The following ICA1L variants were observed in gnomAD, a reference collection of about 807,000 sequenced individuals.
ICA1L encodes islet cell autoantigen 1 like.
ICA1L carries 50 observed loss-of-function variants against 61.3 expected under a neutral mutation model. The observed-to-expected ratio is 0.82, with a 90% CI of 0.65 to 1.03. The LOEUF is 1.03. ICA1L is among the 50% of genes least tolerant of loss of function. The pLI is 0.00. For synonymous variants in ICA1L, 161 were observed against 191.3 expected (o/e 0.84, Z 1.31); for missense variants, 508 against 556.7 (o/e 0.91, Z 0.88).
intron 1 of ICA1L, among the ~76,000 whole-genome samples, chr2:202,831,586 T>C (rs1257000584): frequency 6.6e-6 from 1 of 152,208 alleles, no homozygotes; most frequent in East Asian, 1.9e-4. Flanking sequence ...ACTTCCATAT[T>C]GATGTAGCTC....
chr2:202,822,374 C>T (rs998716175), intron 3 of ICA1L, among the ~76,000 whole-genome samples: 3 of 152,130 alleles, frequency 2.0e-5, no homozygotes, highest in Non-Finnish European at 2.9e-5. Context: ...ATGTTGACCA[C>T]GCTGGTCTCA....
In ICA1L at chr2:202,832,565, T is replaced by C. The variant is rs553598086; in HGVS notation, c.-7-3549A>G. ...CAATAAATGAACACACTGAAAATAT[T>C]AGAAAACAAGTAAAACTCAAACTCT... On this transcript the variant is annotated intron_variant, in intron 1 of 12. Coordinates refer to ENST00000358299, the MANE Select transcript of ICA1L (RefSeq NM_001288622.3). Among the ~76,000 whole-genome samples the C allele has an allele frequency of 3.8e-4, 58 of 152,036 alleles. 1 individual carries two copies. In the South Asian group the frequency reaches 0.012, roughly 31 times the overall value.
intron 9 of ICA1L, among the ~76,000 whole-genome samples, 187 bp from the exon 10 acceptor site, chr2:202,797,151 TGTGTGTGTGTG>T (rs1692956637): frequency 6.6e-6 from 1 of 151,982 alleles, no homozygotes; most frequent in Admixed American, 6.6e-5. Context: ...TGTGTGTGTG[TGTGTGTGTGTG>T]TATATGTATA....
At chr2:202,870,574 T>C (rs1161900768) in intron 1 of ICA1L, 1 of 152,240 alleles carries the variant, frequency 6.6e-6, no homozygotes, top group Non-Finnish European at 1.5e-5. Context: ...AATTAACTCC[T>C]ACTAAAGGAT....
Position 202,774,079 on chromosome 2 carries a change from GATA to G in ICA1L, c.*5451_*5453del, listed in dbSNP as rs1445985414. On this transcript the variant is annotated 3_prime_UTR_variant, in exon 13 of 13. Coordinates refer to ENST00000358299, the MANE Select transcript of ICA1L (RefSeq NM_001288622.3). The stretch of plus-strand genomic sequence containing the variant: ...ATGTGTCATCCTAGCTGCCTAATAT[GATA>G]ATATTAGGAATCCCATCAATGATTG... The G allele has an allele frequency of 7.8e-6, 8 of 1,020,340 alleles. No homozygotes were observed. Among genetic ancestry groups the G allele is most frequent in the East Asian group, 5.2e-5 (2 of 38,474 alleles). The allele number at this position is 1,020,340 out of a possible 1,614,324, so 63.2% of individuals were successfully genotyped here. A position where few individuals can be genotyped will look rare whatever the true frequency, so the allele number is the denominator to read the frequency against.
At chr2:202,836,466 A>G (rs1383971003) in intron 1 of ICA1L, among the ~76,000 whole-genome samples, 1 of 152,082 alleles carries the variant, frequency 6.6e-6, no homozygotes, top group Non-Finnish European at 1.5e-5. Context: ...ATTGGCCTAT[A>G]ATTTGCTTTT....
intron 1 of ICA1L, among the ~76,000 whole-genome samples, chr2:202,851,239 C>T (rs1384049512): frequency 6.6e-6 from 1 of 151,620 alleles, no homozygotes; most frequent in Non-Finnish European, 1.5e-5. Flanking sequence ...TCAATTCCCA[C>T]CTATGAGTGA....
At chr2:202,787,637 C>T (rs550236436) in intron 11 of ICA1L, among the ~76,000 whole-genome samples, 3 of 152,324 alleles carry the variant, frequency 2.0e-5, no homozygotes, top group Non-Finnish European at 4.4e-5. Flanking sequence ...AAAGATGACT[C>T]ACTCCACATA....
chr2:202,809,807 A>C (rs1366594348), intron 9 of ICA1L, among the ~76,000 whole-genome samples: 1 of 152,182 alleles, frequency 6.6e-6, no homozygotes, highest in East Asian at 1.9e-4. Flanking sequence ...AAAACGAAAA[A>C]AGAATAAAAA....
intron 1 of ICA1L, among the ~76,000 whole-genome samples, chr2:202,836,047 A>G (rs752475643): frequency 2.0e-5 from 3 of 152,134 alleles, no homozygotes; most frequent in Non-Finnish European, 2.9e-5. Flanking sequence ...AGGAGTTCCA[A>G]TACTGTGTTG....
chr2:202,858,125 T>C (rs751682216), intron 1 of ICA1L, among the ~76,000 whole-genome samples: 6 of 152,200 alleles, frequency 3.9e-5, no homozygotes, highest in Non-Finnish European at 7.3e-5. Context: ...ACTTGGTATA[T>C]ACCCAAAGGA....
At position 202,864,629 on chromosome 2, in the gene ICA1L, G is replaced by A. The variant is rs981717285; in HGVS notation, c.-8+6990C>T. 6.5e-5 allele frequency among the ~76,000 whole-genome samples: 9 copies of A among 138,622 alleles called. No individual in the cohort carries two copies. In the South Asian group the frequency reaches 8.4e-4, roughly 13 times the overall value. The allele number at this position is 138,622 out of a possible 152,430, so 90.9% of individuals were successfully genotyped here. A position where few individuals can be genotyped will look rare whatever the true frequency, so the allele number is the denominator to read the frequency against. On this transcript the variant is annotated intron_variant, in intron 1 of 12. Transcript: ENST00000358299. ...TATATGTGTGTGTGTATATATATAT[G>A]TGTGTGTGTGTGTGTGTGTATATAT...
intron 9 of ICA1L, among the ~76,000 whole-genome samples, chr2:202,809,087 A>T (rs575725939): frequency 6.7e-4 from 102 of 152,256 alleles, no homozygotes; most frequent in African/African-American, 2.3e-3. Context: ...GAGATATGTG[A>T]CCTTTCAGAG....
At chr2:202,801,911 T>A (rs1693094738) in intron 9 of ICA1L, among the ~76,000 whole-genome samples, 1 of 152,222 alleles carries the variant, frequency 6.6e-6, no homozygotes, top group African/African-American at 2.4e-5. Flanking sequence ...TGCAAAAAAT[T>A]ATCTAGGCCT....
intron 1 of ICA1L, among the ~76,000 whole-genome samples, chr2:202,852,593 C>T (rs1694657287): frequency 6.7e-6 from 1 of 148,660 alleles, no homozygotes; most frequent in Non-Finnish European, 1.5e-5. Context: ...TGGCGTGAAC[C>T]CAGGAAGCAG....
intron 1 of ICA1L, among the ~76,000 whole-genome samples, chr2:202,867,285 T>C (rs1482973037): frequency 1.3e-5 from 2 of 152,212 alleles, no homozygotes; most frequent in East Asian, 1.9e-4. Context: ...ACTGTGGGGA[T>C]ATGTTCTGAG....
intron 1 of ICA1L, among the ~76,000 whole-genome samples, chr2:202,859,617 A>G (rs529168696): frequency 6.6e-6 from 1 of 152,330 alleles, no homozygotes; most frequent in South Asian, 2.1e-4. Context: ...GAGTCCCACA[A>G]ATCCCACACT....
intron 1 of ICA1L, among the ~76,000 whole-genome samples, chr2:202,838,043 G>A (rs1380905586): frequency 7.2e-5 from 11 of 151,992 alleles, no homozygotes; most frequent in South Asian, 2.1e-4. Flanking sequence ...TTAGTAAGGC[G>A]GGGTTTCACC....
At chr2:202,814,403 G>C (rs906713142) in intron 8 of ICA1L, among the ~76,000 whole-genome samples, 4 of 152,106 alleles carry the variant, frequency 2.6e-5, no homozygotes. Flanking sequence ...CTTCCCCTTT[G>C]ACCTTTTCTG....
Sources: gnomAD v4.1 joint callset for allele counts (sites outside exome capture counted in the v4.1 genomes callset) on GRCh38, gnomAD v4.1.1 for gene constraint, MANE v1.5 for transcripts, NCBI Gene and HGNC (gene_info 2026-07-23, HGNC 2026-07-21) for gene names.